ARHGAP6: variants seen among roughly 807,000 people sequenced by gnomAD.
ARHGAP6 encodes Rho GTPase activating protein 6, also known as rho GTPase-activating protein 6.
ARHGAP6 carries 16 observed loss-of-function variants against 55.7 expected under a neutral mutation model. The ratio of observed to expected loss-of-function variants is 0.29; its 90% confidence interval spans 0.19 to 0.44. The LOEUF (loss-of-function observed/expected upper bound fraction) is 0.44, where lower values mean the gene tolerates loss of function less well. ARHGAP6 is among the 20% of genes least tolerant of loss of function. The pLI is 1.00. For missense variants in ARHGAP6, 698 were observed against 808.9 expected (o/e 0.86, Z 1.66); for synonymous variants, 382 against 360.9 (o/e 1.06, Z -0.66).
intron 1 of ARHGAP6, among the ~76,000 whole-genome samples, chrX:11,273,741 G>A (rs2047719892): frequency 9.0e-6 from 1 of 110,750 alleles, no homozygotes; most frequent in African/African-American, 3.3e-5. Flanking sequence ...AATTAGTGGT[G>A]CACAGTAAGG....
At chrX:11,210,879 A>G (rs993458946) in intron 2 of ARHGAP6, among the ~76,000 whole-genome samples, 1 of 112,234 alleles carries the variant, frequency 8.9e-6, no homozygotes, top group Non-Finnish European at 1.9e-5. Flanking sequence ...TACTATTATT[A>G]TGAAAAACAA....
chrX:11,643,107 A>C (rs1377707882), intron 1 of ARHGAP6, among the ~76,000 whole-genome samples: 2 of 111,455 alleles, frequency 1.8e-5, no homozygotes, highest in East Asian at 5.6e-4. Flanking sequence ...CATCAAACAC[A>C]CACAAAAGTT....
intron 2 of ARHGAP6, among the ~76,000 whole-genome samples, chrX:11,241,425 C>T (rs2047276637): frequency 9.1e-6 from 1 of 110,111 alleles, no homozygotes; most frequent in Admixed American, 9.8e-5. Flanking sequence ...AACCAGGGTT[C>T]AAGAGAGGGG....
At chrX:11,189,809 G>A (rs1017885170) in intron 3 of ARHGAP6, among the ~76,000 whole-genome samples, 7 of 112,278 alleles carry the variant, frequency 6.2e-5, no homozygotes, top group South Asian at 3.7e-4. Context: ...AATTTCTGTC[G>A]TAAATCTGTT....
chrX:11,487,733 G>A lies in ARHGAP6; in HGVS notation c.588+176508C>T, dbSNP rs1048912263. On this transcript the variant is annotated intron_variant, in intron 1 of 12. Coordinates refer to ENST00000337414, the MANE Select transcript of ARHGAP6 (RefSeq NM_013427.3). ...AGCATCAAAATAAATGAAAGTAAAG[G>A]ATTCTAACCCACTGAATAGAATAGG... Among the ~76,000 whole-genome samples, 4 of 111,702 alleles carry A rather than the reference G, an allele frequency of 3.6e-5. No homozygotes were observed. In the East Asian group the frequency reaches 1.1e-3, roughly 31 times the overall value.
rs768055039 is a variant in ARHGAP6 at position 11,623,645 on chromosome X, C to T, written c.588+40596G>A. Among the ~76,000 whole-genome samples the T allele has an allele frequency of 3.7e-3, 371 of 101,557 alleles. 1 individual carries two copies. Among genetic ancestry groups the T allele is most frequent in the African/African-American group, 0.012 (324 of 27,227 alleles). 88.2% of individuals were successfully genotyped at this position (101,557 alleles called of 115,157 possible). ...CCGGGAGGCGGAGCTTGCAGTGAGCCGAGATCGCGCCACTGCACTCCAGCC... is the reference window on the plus strand; with the variant it reads ...CCGGGAGGCGGAGCTTGCAGTGAGCTGAGATCGCGCCACTGCACTCCAGCC... On this transcript the variant is annotated intron_variant, in intron 1 of 12. Transcript: ENST00000337414.
intron 1 of ARHGAP6, among the ~76,000 whole-genome samples, chrX:11,368,862 A>T (rs2049112760): frequency 1.8e-5 from 2 of 111,861 alleles, no homozygotes; most frequent in African/African-American, 6.5e-5. Context: ...AAATTTGTAG[A>T]CTTTAAATTT....
At chrX:11,349,712 C>A (rs2048835091) in intron 1 of ARHGAP6, among the ~76,000 whole-genome samples, 1 of 111,444 alleles carries the variant, frequency 9.0e-6, no homozygotes, top group Non-Finnish European at 1.9e-5. Flanking sequence ...GACCCAATAC[C>A]CCAGACTACT....
intron 5 of ARHGAP6, among the ~76,000 whole-genome samples, chrX:11,182,809 T>G (rs5979377): frequency 0.19 from 20,389 of 108,240 alleles, 1,527 homozygotes; most frequent in Middle Eastern, 0.27. Flanking sequence ...CTAATTTTTG[T>G]ATTTTCTGGA....
chrX:11,642,864 G>C (rs1310099623), intron 1 of ARHGAP6, among the ~76,000 whole-genome samples: 2 of 110,916 alleles, frequency 1.8e-5, no homozygotes, highest in Non-Finnish European at 3.8e-5. Flanking sequence ...AAATTAAATG[G>C]GTGAATTATA....
chrX:11,287,611 C>T (rs780597770), intron 1 of ARHGAP6, among the ~76,000 whole-genome samples: 22 of 111,991 alleles, frequency 2.0e-4, no homozygotes, highest in South Asian at 3.8e-4. Flanking sequence ...TCTCTCTGTT[C>T]CCAACAGCCC....
chrX:11,512,214 T>C (rs1300911818), intron 1 of ARHGAP6, among the ~76,000 whole-genome samples: 1 of 112,083 alleles, frequency 8.9e-6, no homozygotes, highest in Non-Finnish European at 1.9e-5. Context: ...TTTTGTGTGA[T>C]AGCTATTTAC....
intron 1 of ARHGAP6, among the ~76,000 whole-genome samples, chrX:11,322,523 T>A (rs1163075676): frequency 9.0e-6 from 1 of 111,528 alleles, no homozygotes; most frequent in East Asian, 2.8e-4. Context: ...CATGCCTGGC[T>A]AATTTTTTAT....
intron 1 of ARHGAP6, among the ~76,000 whole-genome samples, chrX:11,383,305 C>T (rs1035506699): frequency 2.7e-5 from 3 of 111,552 alleles, no homozygotes; most frequent in Non-Finnish European, 3.8e-5. Flanking sequence ...CTTGACGAAA[C>T]TCAGGATCCC....
At chrX:11,270,627 T>C (rs1054763996) in intron 1 of ARHGAP6, among the ~76,000 whole-genome samples, 1 of 111,691 alleles carries the variant, frequency 9.0e-6, no homozygotes, top group Non-Finnish European at 1.9e-5. Flanking sequence ...TTAGGAAAGA[T>C]GAATGAGGCC....
At chrX:11,457,609 A>C (rs758828645) in intron 1 of ARHGAP6, among the ~76,000 whole-genome samples, 1 of 111,836 alleles carries the variant, frequency 8.9e-6, no homozygotes. Flanking sequence ...ACTGCCTTTC[A>C]ATAGAGGTCA....
At chrX:11,442,251 G>A (rs1462318622) in intron 1 of ARHGAP6, among the ~76,000 whole-genome samples, 1 of 108,862 alleles carries the variant, frequency 9.2e-6, no homozygotes, top group Non-Finnish European at 1.9e-5. Context: ...AACTGAATAT[G>A]TCAGCCAAAA....
chrX:11,534,709 A>T (rs1459289196), intron 1 of ARHGAP6, among the ~76,000 whole-genome samples: 1 of 111,928 alleles, frequency 8.9e-6, no homozygotes, highest in Non-Finnish European at 1.9e-5. Flanking sequence ...TAGCCACATT[A>T]AAAAAGTGAA....
intron 1 of ARHGAP6, among the ~76,000 whole-genome samples, chrX:11,529,958 A>C (rs1314694059): frequency 1.8e-5 from 2 of 111,672 alleles, no homozygotes; most frequent in Non-Finnish European, 3.8e-5. Flanking sequence ...AGAAGGACAA[A>C]AATCAGGAAA....
Sources: allele counts gnomAD v4.1 joint callset (sites outside exome capture counted in the v4.1 genomes callset), GRCh38; gene constraint gnomAD v4.1.1; transcripts MANE v1.5; gene names NCBI Gene and HGNC (gene_info 2026-07-23, HGNC 2026-07-21).